C12orf42: variants seen among roughly 807,000 people sequenced by gnomAD.
C12orf42 encodes chromosome 12 open reading frame 42.
In C12orf42, 25 loss-of-function variants were observed where a neutral mutation model predicts 21.6. The ratio of observed to expected loss-of-function variants is 1.16; its 90% CI spans 0.84 to 1.62. The LOEUF is 1.62. Among genes scored for constraint, C12orf42 ranks in the 40% most tolerant of loss-of-function variants. The probability of loss-of-function intolerance (pLI) is 0.00; values close to 1 mark genes in which losing one functional copy is unlikely to be tolerated. For synonymous variants in C12orf42, 174 were observed against 175.0 expected (o/e 0.99, Z 0.05); for missense variants, 483 against 459.3 (o/e 1.05, Z -0.47).
the C12orf42 span, among the ~76,000 whole-genome samples, chr12:103,552,654 C>T: frequency 6.6e-6 from 1 of 152,128 alleles, no homozygotes; most frequent in African/African-American, 2.4e-5. Context: ...CATTTACACC[C>T]TCACAAATGT....
At chr12:103,309,258 C>A (rs1276033269) in intron 4 of C12orf42, among the ~76,000 whole-genome samples, 1 of 152,148 alleles carries the variant, frequency 6.6e-6, no homozygotes, top group Non-Finnish European at 1.5e-5. Flanking sequence ...GGCAGCAAGA[C>A]CAACCCCTCC....
chr12:103,220,656 GA>G, the C12orf42 span, among the ~76,000 whole-genome samples: 1 of 151,928 alleles, frequency 6.6e-6, no homozygotes, highest in East Asian at 1.9e-4. Flanking sequence ...CAGAAAGAGG[GA>G]ATCATCTTTT....
intron 2 of C12orf42, among the ~76,000 whole-genome samples, chr12:103,452,739 A>G (rs1952030745): frequency 6.6e-6 from 1 of 152,130 alleles, no homozygotes; most frequent in Non-Finnish European, 1.5e-5. Flanking sequence ...ACATGGATGA[A>G]GCTGGAAACC....
chr12:103,216,986 G>A, the C12orf42 span, among the ~76,000 whole-genome samples: 1 of 152,048 alleles, frequency 6.6e-6, no homozygotes, highest in South Asian at 2.1e-4. Context: ...GGGAATACAG[G>A]CACGCACCAC....
At chr12:103,386,283 C>CA (rs1405277011) in intron 3 of C12orf42, among the ~76,000 whole-genome samples, 3 of 152,250 alleles carry the variant, frequency 2.0e-5, no homozygotes, top group Admixed American at 1.3e-4. Context: ...GTAGCCACCT[C>CA]AAAGCTGGTA....
chr12:103,222,320 T>C, the C12orf42 span, among the ~76,000 whole-genome samples: 48 of 149,642 alleles, frequency 3.2e-4, no homozygotes, highest in South Asian at 1.1e-3. Flanking sequence ...AGTGGGGGGT[T>C]GCAAGGTGCT....
chr12:103,119,625 C>G, the C12orf42 span, among the ~76,000 whole-genome samples: 1 of 152,090 alleles, frequency 6.6e-6, no homozygotes, highest in Admixed American at 6.6e-5. Flanking sequence ...AGCTATATGC[C>G]CCATGAGGAG....
At chr12:103,087,345 AG>A in the C12orf42 span, among the ~76,000 whole-genome samples, 2 of 152,362 alleles carry the variant, frequency 1.3e-5, no homozygotes, top group South Asian at 4.1e-4. Context: ...TAAAAACACC[AG>A]CTACTCTGAG....
the C12orf42 span, among the ~76,000 whole-genome samples, chr12:103,066,468 A>G: frequency 6.6e-6 from 1 of 152,184 alleles, no homozygotes; most frequent in Non-Finnish European, 1.5e-5. Context: ...GGAAGAAAAG[A>G]CTAGGGCCTG....
the C12orf42 span, among the ~76,000 whole-genome samples, chr12:103,162,506 G>GGTGT: frequency 0.051 from 7,481 of 147,536 alleles, 270 homozygotes; most frequent in African/African-American, 0.096. Flanking sequence ...CCAACAAGCT[G>GGTGT]GTGTGTGTGT....
chr12:103,302,952 C>T (rs546469177), intron 5 of C12orf42, among the ~76,000 whole-genome samples: 64 of 152,228 alleles, frequency 4.2e-4, no homozygotes, highest in Middle Eastern at 3.4e-3. Flanking sequence ...AATTGTCAAG[C>T]GGAGTTATTA....
chr12:103,533,139 T>A, the C12orf42 span, among the ~76,000 whole-genome samples: 3 of 152,230 alleles, frequency 2.0e-5, no homozygotes, highest in South Asian at 6.2e-4. Flanking sequence ...GAGCATTAAC[T>A]TTTTGCAACA....
intron 2 of C12orf42, chr12:103,476,832 C>G (rs989225397): frequency 6.6e-6 from 1 of 152,072 alleles, no homozygotes; most frequent in Non-Finnish European, 1.5e-5. Context: ...AGGGTATTTA[C>G]AGAAGGATAC....
chr12:103,476,574 A>C (rs1229166482), intron 2 of C12orf42, among the ~76,000 whole-genome samples: 1 of 152,214 alleles, frequency 6.6e-6, no homozygotes, highest in Non-Finnish European at 1.5e-5. Flanking sequence ...GGCTGTTTCC[A>C]AAACCACTTG....
At chr12:103,201,434 C>T in the C12orf42 span, among the ~76,000 whole-genome samples, 2 of 152,042 alleles carry the variant, frequency 1.3e-5, no homozygotes, top group South Asian at 2.1e-4. Context: ...CATCTCAAAT[C>T]ACAATGCGAT....
At chr12:103,544,266 T>C in the C12orf42 span, among the ~76,000 whole-genome samples, 5 of 152,326 alleles carry the variant, frequency 3.3e-5, no homozygotes, top group East Asian at 5.8e-4. Flanking sequence ...TCACTTAAAC[T>C]ATTAAAAGAT....
chr12:103,144,633 C>T, the C12orf42 span, among the ~76,000 whole-genome samples: 2 of 152,122 alleles, frequency 1.3e-5, no homozygotes, highest in Non-Finnish European at 2.9e-5. Context: ...GCTTTAATAG[C>T]GTCCTTGTAA....
intron 2 of C12orf42, among the ~76,000 whole-genome samples, chr12:103,418,903 A>C (rs2049610879): frequency 6.6e-6 from 1 of 150,966 alleles, no homozygotes. Context: ...AAAGGTCTGC[A>C]CTTCTTTCCA....
At chr12:103,474,450 A>ATGTGTG (rs1555212276) in intron 2 of C12orf42, among the ~76,000 whole-genome samples, 4 of 132,954 alleles carry the variant, frequency 3.0e-5, no homozygotes, top group African/African-American at 1.3e-4. Flanking sequence ...ACATGTATGT[A>ATGTGTG]TGTATGTGTG....
Sources: gnomAD v4.1 joint callset for allele counts (sites outside exome capture counted in the v4.1 genomes callset) on GRCh38, gnomAD v4.1.1 for gene constraint, MANE v1.5 for transcripts, NCBI Gene and HGNC (gene_info 2026-07-23, HGNC 2026-07-21) for gene names.